The following KCNN1 variants were observed in gnomAD, a reference collection of about 807,000 sequenced individuals.
KCNN1 encodes small conductance calcium-activated potassium channel protein 1.
In KCNN1, 20 loss-of-function variants were observed where a neutral mutation model predicts 44.7. The ratio of observed to expected loss-of-function variants is 0.45; its 90% CI spans 0.32 to 0.65. The LOEUF is 0.65. Ranked by LOEUF, KCNN1 falls within the 30% of genes least tolerant of loss-of-function variation. KCNN1 has a pLI of 0.05. For synonymous variants in KCNN1, 324 were observed against 341.7 expected (o/e 0.95, Z 0.57); for missense variants, 632 against 785.3 (o/e 0.80, Z 2.33).
Position 17,998,239 on chromosome 19 carries a change from T to C in KCNN1, c.1465T>C (p.Leu489=), listed in dbSNP as rs528331340. The C allele has an allele frequency of 3.8e-6, 6 of 1,574,120 alleles. No homozygotes were observed. In the African/African-American group the frequency reaches 6.7e-5, roughly 18 times the overall value. The change falls in exon 10 of 10, where the codon TTG becomes CTG. Residue 489 remains leucine, a synonymous_variant. Coordinates refer to ENST00000684775, the MANE Select transcript of KCNN1 (RefSeq NM_001386974.1). This position sits in a 1 kb window ranked among gnomAD's most constrained non-coding sequence, Gnocchi z 5.4. ...CCGCCTGGCCACCCTGGAAAGCCGCTTGGATGCGCTGGGTGCCTCTCTACA... is the reference window on the plus strand; with the variant it reads ...CCGCCTGGCCACCCTGGAAAGCCGCCTGGATGCGCTGGGTGCCTCTCTACA... The part of the protein sequence containing the change: ...EARLATLESR[L]DALGASLQAL...
intron 2 of KCNN1, among the ~76,000 whole-genome samples, chr19:17,958,591 T>C (rs182151027): frequency 2.0e-5 from 3 of 151,650 alleles, no homozygotes; most frequent in Admixed American, 1.3e-4. Flanking sequence ...GCTCAAGTGA[T>C]TCTCGTGCCT....
intron 7 of KCNN1, among the ~76,000 whole-genome samples, chr19:17,992,474 G>A (rs1169593158): frequency 1.3e-5 from 2 of 152,166 alleles, no homozygotes; most frequent in African/African-American, 4.8e-5. Flanking sequence ...GCTGGTGAGC[G>A]CTTGTAATTC....
At chr19:17,992,950 G>A (rs2032846473) in intron 7 of KCNN1, 104 bp from the exon 8 acceptor site, 1 of 1,461,486 alleles carries the variant, frequency 6.8e-7, no homozygotes, top group East Asian at 2.4e-5. Flanking sequence ...GGGGCCCTAG[G>A]GTGGCATCCC....
chr19:17,997,762 G>A (rs1348020833), intron 9 of KCNN1, among the ~76,000 whole-genome samples: 1 of 152,138 alleles, frequency 6.6e-6, no homozygotes, highest in Non-Finnish European at 1.5e-5. Context: ...TTACAGGCGT[G>A]AGCCACCACA....
At chr19:17,954,480 C>G in intron 1 of KCNN1, 1 of 152,402 alleles carries the variant, frequency 6.6e-6, no homozygotes, top group East Asian at 1.9e-4. Flanking sequence ...ATAAGAAAGA[C>G]CACTGTAGTC....
intron 9 of KCNN1, among the ~76,000 whole-genome samples, chr19:17,996,380 C>T (rs780449451): frequency 1.3e-5 from 2 of 151,398 alleles, no homozygotes; most frequent in Non-Finnish European, 2.9e-5. Context: ...CAAAGGTGGG[C>T]GGATCACCTG....
At chr19:17,986,362 CAAAAAA>C (rs34295668) in intron 5 of KCNN1, among the ~76,000 whole-genome samples, 1 of 140,386 alleles carries the variant, frequency 7.1e-6, no homozygotes, top group Non-Finnish European at 1.6e-5. Flanking sequence ...AACTAAGTCT[CAAAAAA>C]AAAAAAAAGA....
intron 3 of KCNN1, 72 bp downstream of exon 3, chr19:17,975,259 G>C (rs1287950602): frequency 2.8e-6 from 3 of 1,077,774 alleles, no homozygotes; most frequent in African/African-American, 3.1e-5. Context: ...GCCCACCTTA[G>C]ACCCCATCCC....
intron 9 of KCNN1, among the ~76,000 whole-genome samples, chr19:17,994,580 G>A (rs113259272): frequency 9.0e-4 from 136 of 151,336 alleles, no homozygotes; most frequent in African/African-American, 3.0e-3. Context: ...GTCTTGCTCT[G>A]TCACCCAGGC....
upstream of KCNN1, among the ~76,000 whole-genome samples, chr19:17,966,757 A>G (rs1012277985): frequency 4.6e-5 from 7 of 152,128 alleles, no homozygotes; most frequent in African/African-American, 1.7e-4. Flanking sequence ...GTTGCTTTGC[A>G]AAGTTGTCTT....
At chr19:17,992,921 C>A in intron 7 of KCNN1, 133 bp from the exon 8 acceptor site, 1 of 1,131,860 alleles carries the variant, frequency 8.8e-7, no homozygotes, top group South Asian at 1.4e-5. Flanking sequence ...AGCCCCTCGG[C>A]CATCTGGGAA....
Position 17,974,100 on chromosome 19 carries a change from A to T in KCNN1, c.212A>T (p.Asp71Val). 6.2e-7 allele frequency: 1 copy of T among 1,612,276 alleles called. No individual in the cohort carries two copies. The highest frequency in any genetic ancestry group is 1.7e-5 in the Admixed American group (1 of 60,028). The change falls in exon 2 of 10, where the codon GAT (aspartate) becomes GTT (valine). Residue 71 changes from aspartate (D) to valine (V), a missense_variant. Transcript: ENST00000684775. The surrounding 1 kb of genome is among the most constrained non-coding windows in gnomAD (Gnocchi z 7.3). ...GQPQDQDDDE[D>V]DEEDEAGRQR... ...CCCCAGGACCAGGACGATGACGAGG[A>T]TGATGAGGAAGATGAGGCCGGCAGG... is the stretch of plus-strand genomic sequence containing the variant.
chr19:17,977,936 C>T (rs1332468366), intron 3 of KCNN1, among the ~76,000 whole-genome samples: 3 of 151,894 alleles, frequency 2.0e-5, no homozygotes, highest in African/African-American at 4.8e-5. Flanking sequence ...GATGCAAATC[C>T]GCAGAGACAG....
upstream of KCNN1, among the ~76,000 whole-genome samples, chr19:17,962,934 C>T (rs1409100154): frequency 6.6e-6 from 1 of 151,348 alleles, no homozygotes; most frequent in African/African-American, 2.4e-5. Context: ...AACTCCTGAC[C>T]TCATGATCCG....
At position 17,981,829 on chromosome 19, in the gene KCNN1, T is replaced by C; in HGVS notation, c.619T>C (p.Phe207Leu). Reference sequence around the variant, plus strand: ...TCACCCGGTGCCCGGCCACTACCGCTTCACGTGGACGGCGCGGCTGGCCTT... The same window carrying C: ...TCACCCGGTGCCCGGCCACTACCGCCTCACGTGGACGGCGCGGCTGGCCTT... ...AIHPVPGHYRFTWTARLAFTY... is the reference protein window; with the variant it reads ...AIHPVPGHYRLTWTARLAFTY... Residue 207 changes from phenylalanine to leucine, a missense_variant, in exon 4 of 10, where the codon TTC becomes CTC. Transcript: ENST00000684775. The C allele has an allele frequency of 1.2e-6, 2 of 1,613,200 alleles. No homozygotes were observed. Among genetic ancestry groups the C allele is most frequent in the East Asian group, 2.2e-5 (1 of 44,862 alleles).
In KCNN1 at chr19:18,000,003, T is replaced by G. The variant is rs2033129690; in HGVS notation, c.*1597T>G. ...ATCTGTAAAATGGGGTGACAGTCTA[T>G]TTAACCAGAACTCCCTAAAAAGGGC... On this transcript the variant is annotated 3_prime_UTR_variant, in exon 10 of 10. Transcript: ENST00000684775. 2.2e-6 allele frequency: 1 copy of G among 455,978 alleles called. No individual in the cohort carries two copies. The allele number at this position is 455,978 out of a possible 1,614,324, so 28.2% of individuals were successfully genotyped here. A position where few individuals can be genotyped will look rare whatever the true frequency, so the allele number is the denominator to read the frequency against.
In KCNN1 at chr19:17,983,744, C is replaced by T. The variant is rs566101962; in HGVS notation, c.918-1568C>T. Among the ~76,000 whole-genome samples, 2 of 151,602 alleles carry T rather than the reference C, an allele frequency of 1.3e-5. No individual in the cohort carries two copies. Among genetic ancestry groups the T allele is most frequent in the Admixed American group, 6.6e-5 (1 of 15,262 alleles). Reference sequence around the variant, plus strand: ...GTGCTCCTGGGTGGTCCCGCGGCACCCCCCACCATCGCTCCGTCTGGATCT... The same window carrying T: ...GTGCTCCTGGGTGGTCCCGCGGCACTCCCCACCATCGCTCCGTCTGGATCT... On this transcript the variant is annotated intron_variant, in intron 4 of 9. Transcript: ENST00000684775. This position sits in a 1 kb window ranked among gnomAD's most constrained non-coding sequence, Gnocchi z 4.5.
upstream of KCNN1, among the ~76,000 whole-genome samples, chr19:17,962,550 A>G (rs545054824): frequency 6.6e-6 from 1 of 152,118 alleles, no homozygotes; most frequent in Non-Finnish European, 1.5e-5. Context: ...GGAGGTGCTC[A>G]GTAGATGCTG....
intron 6 of KCNN1, 98 bp from the exon 7 acceptor site, chr19:17,989,618 C>A (rs756749483): frequency 1.3e-6 from 2 of 1,571,594 alleles, no homozygotes; most frequent in Non-Finnish European, 1.7e-6. Flanking sequence ...AGAGGCATTT[C>A]CAGAAGTTTC....
Sources: allele counts gnomAD v4.1 joint callset (sites outside exome capture counted in the v4.1 genomes callset), GRCh38; gene constraint gnomAD v4.1.1; non-coding constraint Gnocchi (gnomAD v3.1); transcripts MANE v1.5; gene names NCBI Gene and HGNC (gene_info 2026-07-23, HGNC 2026-07-21).